Variants in RTN4 observed in about 807,000 individuals in gnomAD.
The protein encoded by RTN4 is reticulon-4.
A neutral mutation model predicts 90.4 loss-of-function variants in RTN4; 32 were observed. That is an observed-to-expected ratio of 0.35 (90% CI 0.27 to 0.48). The LOEUF is 0.48. RTN4 is among the 20% of genes least tolerant of loss of function. The pLI, the probability that RTN4 is intolerant of heterozygous loss-of-function variation, is 0.99. For synonymous variants in RTN4, 629 were observed against 552.5 expected (o/e 1.14, Z -1.94); for missense variants, 1,706 against 1,430.2 (o/e 1.19, Z -3.11).
chr2:55,017,686 G>A (rs1373159825), intron 3 of RTN4, among the ~76,000 whole-genome samples: 1 of 152,130 alleles, frequency 6.6e-6, no homozygotes, highest in Non-Finnish European at 1.5e-5. Flanking sequence ...TGTACCAATG[G>A]CCTACCAACA....
chr2:55,073,443 T>C (rs1231407236), intron 2 of RTN4, among the ~76,000 whole-genome samples: 1 of 152,244 alleles, frequency 6.6e-6, no homozygotes, highest in African/African-American at 2.4e-5. Flanking sequence ...TCAATTTTTA[T>C]GTGTTATCCT....
chr2:55,063,848 C>G (rs1043032784), intron 2 of RTN4, among the ~76,000 whole-genome samples: 3 of 151,554 alleles, frequency 2.0e-5, no homozygotes, highest in East Asian at 1.9e-4. Context: ...GCACTGTACT[C>G]CAGCCTGGGC....
intron 1 of RTN4, among the ~76,000 whole-genome samples, chr2:55,038,105 T>A (rs369879387): frequency 6.6e-6 from 1 of 152,072 alleles, no homozygotes; most frequent in Admixed American, 6.6e-5. Context: ...TAAATCTGGA[T>A]CTATGGTAAC....
intron 2 of RTN4, among the ~76,000 whole-genome samples, chr2:55,067,766 C>T (rs999783188): frequency 7.9e-5 from 12 of 152,202 alleles, no homozygotes; most frequent in Non-Finnish European, 1.5e-4. Flanking sequence ...CTTTTCATCT[C>T]AAGATCCCTT....
rs147269241 is a variant in RTN4, at chr2:55,059,409, A to C, written c.-63+21080T>G. Among the ~76,000 whole-genome samples, 1,249 of 151,912 alleles carry C rather than the reference A, an allele frequency of 8.2e-3. 11 individuals are homozygous for C. Among genetic ancestry groups the C allele is most frequent in the Middle Eastern group, 0.041 (12 of 294 alleles). ...CACTCTGTTGCCCAGGATGGAGTGC[A>C]GTGGTGCGATCACGGCTCACTGTAG... is the stretch of plus-strand genomic sequence containing the variant. On this transcript the variant is annotated intron_variant, in intron 2 of 3. Transcript: ENST00000427710.
intron 4 of RTN4, among the ~76,000 whole-genome samples, chr2:54,984,531 G>A (rs1342956642): frequency 6.6e-6 from 1 of 152,148 alleles, no homozygotes; most frequent in Non-Finnish European, 1.5e-5. Flanking sequence ...ACTGTTACTT[G>A]TTCTTGCTGA....
At chr2:55,040,348 G>A (rs1015253664) in intron 1 of RTN4, among the ~76,000 whole-genome samples, 8 of 151,930 alleles carry the variant, frequency 5.3e-5, no homozygotes, top group Non-Finnish European at 1.2e-4. Flanking sequence ...ACAGATACAA[G>A]CATCTTTGGT....
intron 1 of RTN4, among the ~76,000 whole-genome samples, chr2:55,087,852 T>C (rs930047777): frequency 1.3e-5 from 2 of 152,220 alleles, no homozygotes; most frequent in Admixed American, 6.5e-5. Flanking sequence ...TATGGTTGGA[T>C]GTTTTTTAAT....
chr2:54,973,584 T>C lies in RTN4; in HGVS notation c.3515A>G (p.Asn1172Ser). 1.9e-6 allele frequency: 3 copies of C among 1,610,002 alleles called. No homozygotes were observed. The highest frequency in any genetic ancestry group is 2.6e-6 in the Non-Finnish European group (3 of 1,176,332). ...TTACTTAGCCATAGCATCTTTAACA[T>C]TCTTATTTGCAAGTCCTAGATAATG... ...IDHYLGLANK[N>S]VKDAMAKIQA... Residue 1172 changes from asparagine (N) to serine (S), a missense_variant, in exon 8 of 9, where the codon AAT becomes AGT. Transcript: ENST00000337526.
In RTN4 at chr2:55,025,302, T is replaced by C. The variant is rs773826572; in HGVS notation, c.2797A>G (p.Ser933Gly). The change falls in exon 3 of 9, where the codon AGT becomes GGT. Residue 933 changes from serine (S) to glycine (G), a missense_variant. Coordinates refer to ENST00000337526, the MANE Select transcript of RTN4 (RefSeq NM_020532.5). ...TTTTTAGAAAAGTCATCTGAGAAAC[T>C]GATTTTCTCTTCAACTTTGGGTTGT... The part of the protein sequence containing the change: ...NIQPKVEEKI[S>G]FSDDFSKNGS... 13 of 1,613,842 alleles carry C rather than the reference T, an allele frequency of 8.1e-6. No individual in the cohort carries two copies. In the Admixed American group the frequency reaches 1.8e-4, roughly 23 times the overall value.
At chr2:55,122,343 C>T in the RTN4 span, among the ~76,000 whole-genome samples, 6 of 152,080 alleles carry the variant, frequency 3.9e-5, no homozygotes, top group East Asian at 1.9e-4. Flanking sequence ...GAGTGCTTTC[C>T]GGCTTACAAC....
In RTN4 at chr2:55,039,074, T is replaced by C. The variant is rs181383290; in HGVS notation, c.556+10671A>G. Reference sequence around the variant, plus strand: ...TCTATGATGAAAGAAATCAAAACAGTAGTTGTTTGGGATTGGTGTTGCGGG... The same window carrying C: ...TCTATGATGAAAGAAATCAAAACAGCAGTTGTTTGGGATTGGTGTTGCGGG... On this transcript the variant is annotated intron_variant, in intron 1 of 8. Coordinates refer to ENST00000337526, the MANE Select transcript of RTN4 (RefSeq NM_020532.5). Among the ~76,000 whole-genome samples, 966 of 152,142 alleles carry C rather than the reference T, an allele frequency of 6.3e-3. 4 individuals carry two copies. Among genetic ancestry groups the C allele is most frequent in the Middle Eastern group, 0.014 (4 of 294 alleles).
At chr2:55,005,111 G>T (rs951587556) in intron 3 of RTN4, among the ~76,000 whole-genome samples, 1 of 152,180 alleles carries the variant, frequency 6.6e-6, no homozygotes, top group African/African-American at 2.4e-5. Flanking sequence ...AATTATAAAG[G>T]TTGGGGCTAG....
the RTN4 span, among the ~76,000 whole-genome samples, chr2:55,119,910 C>G: frequency 1.3e-5 from 2 of 152,238 alleles, no homozygotes; most frequent in African/African-American, 4.8e-5. Context: ...TTCTCCTTCT[C>G]TCAGCTGCTC....
At chr2:55,065,207 A>C (rs936388447) in intron 2 of RTN4, among the ~76,000 whole-genome samples, 1 of 152,190 alleles carries the variant, frequency 6.6e-6, no homozygotes, top group Admixed American at 6.5e-5. Context: ...AGCTTACATA[A>C]ATAGCATTTT....
At chr2:55,091,104 C>T (rs546921949) in intron 1 of RTN4, among the ~76,000 whole-genome samples, 1 of 152,368 alleles carries the variant, frequency 6.6e-6, no homozygotes, top group African/African-American at 2.4e-5. Flanking sequence ...TGTCTTTCCT[C>T]TGGCCACCAG....
At chr2:55,077,475 A>T (rs1003917012) in intron 2 of RTN4, among the ~76,000 whole-genome samples, 1 of 152,206 alleles carries the variant, frequency 6.6e-6, no homozygotes, top group African/African-American at 2.4e-5. Flanking sequence ...AATAGATGTT[A>T]GTGTGGATGT....
At chr2:54,995,162 C>T (rs1050126002) in intron 3 of RTN4, among the ~76,000 whole-genome samples, 2 of 151,696 alleles carry the variant, frequency 1.3e-5, no homozygotes, top group Admixed American at 1.3e-4. Context: ...ATAACTTGAA[C>T]TCAGGAGGCG....
At chr2:55,004,869 T>G (rs1030592661) in intron 3 of RTN4, among the ~76,000 whole-genome samples, 1 of 151,600 alleles carries the variant, frequency 6.6e-6, no homozygotes, top group African/African-American at 2.4e-5. Context: ...GAAAAAAAAG[T>G]ACAAAATGAA....
Sources: allele counts gnomAD v4.1 joint callset (sites outside exome capture counted in the v4.1 genomes callset), GRCh38; gene constraint gnomAD v4.1.1; transcripts MANE v1.5; gene names NCBI Gene and HGNC (gene_info 2026-07-23, HGNC 2026-07-21).